The following SULT1E1 variants were observed in gnomAD, a reference collection of about 807,000 sequenced individuals.
SULT1E1 encodes sulfotransferase 1E1.
A neutral mutation model predicts 33.6 loss-of-function variants in SULT1E1; 36 were observed. The observed-to-expected ratio is 1.07, with a 90% CI of 0.82 to 1.41. The LOEUF (loss-of-function observed/expected upper bound fraction) is 1.41. Ranked by LOEUF, SULT1E1 falls within the 40% of genes most tolerant of loss-of-function variation. SULT1E1 has a pLI of 0.00. For missense variants in SULT1E1, 371 were observed against 345.7 expected (o/e 1.07, Z -0.58); for synonymous variants, 121 against 111.7 (o/e 1.08, Z -0.53).
chr4:69,839,819 C>G (rs1720849202), downstream of SULT1E1, among the ~76,000 whole-genome samples: 1 of 152,106 alleles, frequency 6.6e-6, no homozygotes, highest in South Asian at 2.1e-4. Flanking sequence ...AAGCTAGATC[C>G]CAGCCGTATT....
chr4:69,833,193 G>T, the SULT1E1 span, among the ~76,000 whole-genome samples: 1 of 152,106 alleles, frequency 6.6e-6, no homozygotes, highest in Admixed American at 6.5e-5. Flanking sequence ...AACATATTAT[G>T]ATGTTTTAGA....
the SULT1E1 span, among the ~76,000 whole-genome samples, chr4:69,829,823 C>T: frequency 8.5e-5 from 13 of 152,168 alleles, no homozygotes; most frequent in Non-Finnish European, 1.8e-4. Context: ...AGGTCACTAC[C>T]AAATGCTCAG....
At chr4:69,842,567 A>T (rs1340719985) in intron 7 of SULT1E1, among the ~76,000 whole-genome samples, 2 of 152,224 alleles carry the variant, frequency 1.3e-5, no homozygotes, top group East Asian at 1.9e-4. Flanking sequence ...ATTCCTTAGC[A>T]TATTGTGTTT....
the SULT1E1 span, among the ~76,000 whole-genome samples, chr4:69,826,656 G>T: frequency 6.6e-6 from 1 of 152,018 alleles, no homozygotes; most frequent in Non-Finnish European, 1.5e-5. Context: ...AAAAAGAGGT[G>T]GCTTATTTTT....
At chr4:69,837,713 T>A (rs1578099498), downstream of SULT1E1, among the ~76,000 whole-genome samples, 1 of 152,148 alleles carries the variant, frequency 6.6e-6, no homozygotes, top group Non-Finnish European at 1.5e-5. Flanking sequence ...ACGTAAATAG[T>A]AGAGATGGGG....
chr4:69,828,893 C>T, the SULT1E1 span, among the ~76,000 whole-genome samples: 1 of 152,158 alleles, frequency 6.6e-6, no homozygotes, highest in Non-Finnish European at 1.5e-5. Flanking sequence ...AGAAGGAGAT[C>T]ATCAATGTAC....
rs1361781887 is a variant in SULT1E1, at chr4:69,857,506, T to C, written c.139A>G (p.Lys47Glu). 1.9e-6 allele frequency: 3 copies of C among 1,597,380 alleles called. No individual in the cohort carries two copies. The highest frequency in any genetic ancestry group is 1.1e-5 in the South Asian group (1 of 87,502). The change falls in exon 2 of 8, where the codon AAA (lysine) becomes GAA (glutamate). Residue 47 changes from lysine (K) to glutamate (E), a missense_variant. Transcript: ENST00000226444. The part of the protein sequence containing the change: ...PDDLVIATYP[K>E]SGTTWVSEIV... ...GAACAACAAAGAGATTTACCAGATT[T>C]AGGGTAGGTGGCAATGACAAGATCA...
rs1229388897 is a variant in SULT1E1, at chr4:69,842,038, G to A, written c.841C>T (p.Gln281Ter). 3 of 1,611,622 alleles carry A rather than the reference G, an allele frequency of 1.9e-6. No homozygotes were observed. The African/African-American group carries it at 4.0e-5, about 22-fold the overall frequency. Residue 281 changes from glutamine to a stop codon, truncating the protein, a stop_gained, in exon 8 of 8, where the codon CAG (glutamine) becomes TAG (stop). Transcript: ENST00000226444. LOFTEE classifies it low-confidence loss of function (END_TRUNC). ...LNEKFDKHYE[Q>*]QMKESTLKFR... Reference sequence around the variant, plus strand: ...TTCAGTGTAGATTCCTTCATTTGCTGCTCATAATGTTTATCAAATTTTTCA... The same window carrying A: ...TTCAGTGTAGATTCCTTCATTTGCTACTCATAATGTTTATCAAATTTTTCA...
At chr4:69,833,413 TCTTA>T in the SULT1E1 span, among the ~76,000 whole-genome samples, 1 of 152,198 alleles carries the variant, frequency 6.6e-6, no homozygotes, top group African/African-American at 2.4e-5. Flanking sequence ...ATAACAGACT[TCTTA>T]CTTGTACAGC....
intron 6 of SULT1E1, among the ~76,000 whole-genome samples, chr4:69,847,282 C>T (rs953702085): frequency 6.6e-6 from 1 of 150,828 alleles, no homozygotes; most frequent in African/African-American, 2.4e-5. Context: ...AAAATTTCAT[C>T]TTTTATTTAT....
the SULT1E1 span, among the ~76,000 whole-genome samples, chr4:69,833,599 G>A: frequency 6.6e-6 from 1 of 152,192 alleles, no homozygotes; most frequent in Non-Finnish European, 1.5e-5. Context: ...TAAAGGGACA[G>A]TGAAGAACAT....
chr4:69,837,086 CAA>C (rs3077549), downstream of SULT1E1, among the ~76,000 whole-genome samples: 89,670 of 145,214 alleles, frequency 0.62, 28,521 homozygotes, highest in South Asian at 0.73. Context: ...CTCCCTGTCT[CAA>C]AAAAAAAAAA....
the SULT1E1 span, among the ~76,000 whole-genome samples, chr4:69,827,451 A>T: frequency 6.0e-4 from 91 of 152,264 alleles, no homozygotes; most frequent in African/African-American, 2.1e-3. Flanking sequence ...AGAATTAGGA[A>T]AAAAGCCCAT....
chr4:69,849,894 G>T (rs751504154), intron 4 of SULT1E1, among the ~76,000 whole-genome samples: 2 of 151,850 alleles, frequency 1.3e-5, no homozygotes, highest in Non-Finnish European at 2.9e-5. Context: ...TATAAGTGAA[G>T]AGATTAAGCT....
the SULT1E1 span, among the ~76,000 whole-genome samples, chr4:69,833,841 A>G: frequency 6.6e-6 from 1 of 152,144 alleles, no homozygotes. Flanking sequence ...TCACTACTCC[A>G]CTATCATTTG....
At chr4:69,851,787 T>G (rs1048260394) in intron 4 of SULT1E1, among the ~76,000 whole-genome samples, 17 of 152,176 alleles carry the variant, frequency 1.1e-4, no homozygotes, top group Admixed American at 1.0e-3. Context: ...TAGAATACTA[T>G]GCAGCCATAA....
intron 6 of SULT1E1, among the ~76,000 whole-genome samples, chr4:69,845,538 TATATATA>T (rs1243624382): frequency 2.3e-4 from 35 of 151,414 alleles, no homozygotes; most frequent in African/African-American, 8.4e-4. Flanking sequence ...TATGTGTATA[TATATATA>T]ATATATACAC....
chr4:69,847,886 A>C (rs1721014558), intron 5 of SULT1E1, 94 bp from the exon 6 acceptor site: 1 of 669,112 alleles, frequency 1.5e-6, no homozygotes, highest in Non-Finnish European at 2.5e-6. Context: ...AAATAAATAT[A>C]AATAGATAAT....
chr4:69,842,188 A>C (rs2110064705), intron 7 of SULT1E1, 82 bp from the exon 8 acceptor site: 2 of 735,862 alleles, frequency 2.7e-6, no homozygotes, highest in East Asian at 5.4e-5. Context: ...ACTTTCATTA[A>C]CACCTAATCA....
Sources: allele counts gnomAD v4.1 joint callset (sites outside exome capture counted in the v4.1 genomes callset), GRCh38; gene constraint gnomAD v4.1.1; transcripts MANE v1.5; gene names NCBI Gene and HGNC (gene_info 2026-07-23, HGNC 2026-07-21).